Variants in RTF2 observed in about 807,000 individuals in gnomAD.
RTF2 encodes UPF0549 protein C20orf43.
In RTF2, 18 loss-of-function variants were observed where a neutral mutation model predicts 38.0. The observed-to-expected ratio is 0.47, with a 90% CI of 0.33 to 0.70. RTF2 has a LOEUF of 0.70. Among genes scored for constraint, RTF2 ranks in the 30% least tolerant of loss-of-function variants. The pLI, the probability that RTF2 is intolerant of heterozygous loss-of-function variation, is 0.02. For synonymous variants in RTF2, 126 were observed against 137.1 expected (o/e 0.92, Z 0.57); for missense variants, 311 against 379.6 (o/e 0.82, Z 1.50).
chr20:56,496,705 G>A (rs746631334), intron 5 of RTF2: 15 of 1,551,276 alleles, frequency 9.7e-6, no homozygotes, highest in Non-Finnish European at 1.3e-5. Context: ...GACCACTGAA[G>A]CATGTCTTTT....
chr20:56,470,108 G>A (rs1884421), intron 1 of RTF2, among the ~76,000 whole-genome samples: 125,927 of 152,232 alleles, frequency 0.83, 52,301 homozygotes, highest in East Asian at 0.99. Context: ...CACCTAATAA[G>A]TATGTGTGAA....
intron 5 of RTF2, among the ~76,000 whole-genome samples, chr20:56,508,633 C>G (rs74511034): frequency 6.6e-6 from 1 of 152,250 alleles, no homozygotes; most frequent in Admixed American, 6.5e-5. Flanking sequence ...GTCATGTTAC[C>G]TACACTAATC....
At chr20:56,473,632 C>A (rs942852152) in intron 2 of RTF2, among the ~76,000 whole-genome samples, 14 of 152,106 alleles carry the variant, frequency 9.2e-5, no homozygotes, top group African/African-American at 3.1e-4. Context: ...ACCTGTAATC[C>A]CACCACTTTG....
chr20:56,516,819 C>A, intron 6 of RTF2, 116 bp from the exon 7 acceptor site: 2 of 858,470 alleles, frequency 2.3e-6, no homozygotes, highest in South Asian at 1.5e-5. Context: ...GACTGTCTGT[C>A]TCATGTGACT....
intron 4 of RTF2, among the ~76,000 whole-genome samples, chr20:56,478,871 C>G (rs915351737): frequency 2.6e-5 from 4 of 152,152 alleles, no homozygotes; most frequent in African/African-American, 9.7e-5. Flanking sequence ...TGTCTTAAAC[C>G]CTGCAACTGC....
chr20:56,517,995 A>G, intron 8 of RTF2, 92 bp from the exon 9 acceptor site: 2 of 1,293,050 alleles, frequency 1.5e-6, no homozygotes, highest in South Asian at 1.4e-5. Flanking sequence ...AACGTCTGGG[A>G]CAGAGTGACT....
chr20:56,497,322 T>C (rs1181334191), intron 5 of RTF2: 1 of 1,550,252 alleles, frequency 6.5e-7, no homozygotes, highest in Non-Finnish European at 8.7e-7. Context: ...GGTTATGAAA[T>C]GCAGCCCCCG....
intron 5 of RTF2, among the ~76,000 whole-genome samples, chr20:56,500,304 T>C (rs902403291): frequency 1.3e-5 from 2 of 152,214 alleles, no homozygotes; most frequent in African/African-American, 4.8e-5. Flanking sequence ...TCCACCTGCC[T>C]CAGCCTCCCA....
chr20:56,517,602 C>T (rs1156939114), intron 8 of RTF2, among the ~76,000 whole-genome samples: 1 of 152,176 alleles, frequency 6.6e-6, no homozygotes, highest in African/African-American at 2.4e-5. Context: ...TCTCAGAGTC[C>T]CCTCTCTGCT....
intron 5 of RTF2, among the ~76,000 whole-genome samples, chr20:56,487,890 C>A (rs1982877595): frequency 6.6e-6 from 1 of 152,212 alleles, no homozygotes; most frequent in African/African-American, 2.4e-5. Flanking sequence ...TATTAGGACA[C>A]CAGTCCCGGT....
chr20:56,512,378 A>G (rs932921142), intron 5 of RTF2, among the ~76,000 whole-genome samples: 6 of 152,168 alleles, frequency 3.9e-5, no homozygotes, highest in Non-Finnish European at 8.8e-5. Context: ...AAAACAACAT[A>G]GACAAAGTGA....
At chr20:56,489,718 C>T (rs968450023) in intron 5 of RTF2, among the ~76,000 whole-genome samples, 3 of 152,150 alleles carry the variant, frequency 2.0e-5, no homozygotes, top group Non-Finnish European at 4.4e-5. Flanking sequence ...GGGTGTACCA[C>T]GGGTTGACAT....
At chr20:56,472,587 T>A (rs75475752) in intron 1 of RTF2, among the ~76,000 whole-genome samples, 1 of 147,520 alleles carries the variant, frequency 6.8e-6, no homozygotes, top group Non-Finnish European at 1.5e-5. Context: ...AAAAAAAAAA[T>A]GCTTGTCTTC....
chr20:56,478,326 G>A (rs1018909774), intron 4 of RTF2, among the ~76,000 whole-genome samples: 1 of 151,994 alleles, frequency 6.6e-6, no homozygotes, highest in African/African-American at 2.4e-5. Context: ...CTGTCTTTAC[G>A]AAACAAAATT....
intron 5 of RTF2, among the ~76,000 whole-genome samples, chr20:56,489,902 A>T (rs140121075): frequency 6.6e-6 from 1 of 152,362 alleles, no homozygotes; most frequent in African/African-American, 2.4e-5. Flanking sequence ...GTAGCCAGCT[A>T]TCGCCTTTGG....
At position 56,477,028 on chromosome 20, in the gene RTF2, G is replaced by A. The variant is rs1194965160; in HGVS notation, c.302G>A (p.Gly101Glu). The A allele has an allele frequency of 1.2e-6, 2 of 1,613,978 alleles. No individual in the cohort carries two copies. The highest frequency in any genetic ancestry group is 2.2e-5 in the East Asian group (1 of 44,884). The change falls in exon 4 of 9, where the codon GGG becomes GAG. Residue 101 changes from glycine to glutamate, a missense_variant. Coordinates refer to ENST00000357348, the MANE Select transcript of RTF2 (RefSeq NM_016407.5). ...LKLSDNPAWEGDKGNTKGDKH... is the reference protein window; with the variant it reads ...LKLSDNPAWEEDKGNTKGDKH... ...CTTTCTGATAATCCTGCCTGGGAAG[G>A]GGATAAAGGAAACACTAAAGGTGAC...
At chr20:56,496,364 A>G (rs1983532205) in intron 5 of RTF2, among the ~76,000 whole-genome samples, 1 of 152,174 alleles carries the variant, frequency 6.6e-6, no homozygotes, top group South Asian at 2.1e-4. Flanking sequence ...CCTGACGAAC[A>G]TAGACAAACA....
At chr20:56,497,154 G>A in intron 5 of RTF2, 1 of 1,551,408 alleles carries the variant, frequency 6.4e-7, no homozygotes, top group Non-Finnish European at 8.7e-7. Context: ...TTGCACAGCA[G>A]TCTTATACTT....
chr20:56,483,526 A>T (rs1408884545), intron 4 of RTF2, among the ~76,000 whole-genome samples: 2 of 151,976 alleles, frequency 1.3e-5, no homozygotes, highest in African/African-American at 4.8e-5. Context: ...ATAGGTTCTC[A>T]GTATGTTGCC....
Sources: allele counts gnomAD v4.1 joint callset (sites outside exome capture counted in the v4.1 genomes callset), GRCh38; gene constraint gnomAD v4.1.1; transcripts MANE v1.5; gene names NCBI Gene and HGNC (gene_info 2026-07-23, HGNC 2026-07-21).